Variants in CEACAM16 observed in about 807,000 individuals in gnomAD.
CEACAM16 encodes the protein cell adhesion molecule CEACAM16.
Under a neutral mutation model 39.4 loss-of-function variants are expected in CEACAM16, and 30 were observed. The observed-to-expected ratio is 0.76, with a 90% CI of 0.57 to 1.03. The LOEUF (loss-of-function observed/expected upper bound fraction) is 1.03. Ranked by LOEUF, CEACAM16 falls within the 50% of genes least tolerant of loss-of-function variation. The pLI is 0.00. For synonymous variants in CEACAM16, 262 were observed against 264.9 expected (o/e 0.99, Z 0.11); for missense variants, 521 against 585.3 (o/e 0.89, Z 1.13).
Position 44,701,581 on chromosome 19 carries a change from T to G in CEACAM16, c.37+88T>G. 1 of 1,294,320 alleles carries G rather than the reference T, an allele frequency of 7.7e-7. No homozygotes were observed. Among genetic ancestry groups the G allele is most frequent in the Non-Finnish European group, 1.1e-6 (1 of 921,714 alleles). The allele number at this position is 1,294,320 out of a possible 1,614,324, so 80.2% of individuals were successfully genotyped here. A position where few individuals can be genotyped will look rare whatever the true frequency, so the allele number is the denominator to read the frequency against. ...CCCCCAGTCTGAGAGAGGGAAGGTG[T>G]GAGCAGAAGTCCAGCGTGCTAGGGA... On this transcript the variant is annotated intron_variant, in intron 2 of 6. Coordinates refer to ENST00000587331, the MANE Select transcript of CEACAM16 (RefSeq NM_001039213.4). This position sits in a 1 kb window ranked among gnomAD's most constrained non-coding sequence, Gnocchi z 4.0.
intron 2 of CEACAM16, 130 bp from the exon 3 acceptor site, chr19:44,703,219 T>C: frequency 2.7e-6 from 2 of 743,616 alleles, no homozygotes; most frequent in Non-Finnish European, 4.3e-6. Context: ...CAAATCCTGG[T>C]TTTGCCTGTC....
At chr19:44,704,564 C>T (rs373495587) in intron 4 of CEACAM16, among the ~76,000 whole-genome samples, 152 of 152,196 alleles carry the variant, frequency 1.0e-3, no homozygotes, top group African/African-American at 3.5e-3. Flanking sequence ...GACCTCATCT[C>T]TACCAAAAAA....
rs1974391866 is a variant in CEACAM16 at position 44,703,744 on chromosome 19, C to T, written c.382+51C>T. 1.0e-5 allele frequency: 13 copies of T among 1,281,084 alleles called. No homozygotes were observed. The South Asian group carries it at 2.2e-4, about 22-fold the overall frequency. 79.4% of individuals were successfully genotyped at this position (1,281,084 alleles called of 1,614,324 possible). A position where few individuals can be genotyped will look rare whatever the true frequency, so the allele number is the denominator to read the frequency against. ...CTGCCCCAGCTGGGCCTTCCCATCT[C>T]CTTCTCAATCCTTCTTTTTTTTAAA... On this transcript the variant is annotated intron_variant, in intron 3 of 6. Coordinates refer to ENST00000587331, the MANE Select transcript of CEACAM16 (RefSeq NM_001039213.4).
At chr19:44,699,473 T>C (rs1314474796) in intron 1 of CEACAM16, 3 of 461,188 alleles carry the variant, frequency 6.5e-6, no homozygotes, top group African/African-American at 4.1e-5. Flanking sequence ...TTGCCCAGGG[T>C]TCAAGCAATT....
chr19:44,699,613 T>C (rs546889598), intron 1 of CEACAM16, among the ~76,000 whole-genome samples: 2 of 151,952 alleles, frequency 1.3e-5, no homozygotes, highest in African/African-American at 4.8e-5. Context: ...CTGACCTCAG[T>C]TGATCCACCC....
chr19:44,704,441 C>A, intron 4 of CEACAM16, 145 bp downstream of exon 4: 2 of 1,076,858 alleles, frequency 1.9e-6, no homozygotes, highest in Non-Finnish European at 2.6e-6. Context: ...TTAAAGTGCA[C>A]TTGCCCTCGC....
intron 5 of CEACAM16, among the ~76,000 whole-genome samples, chr19:44,706,123 C>T (rs531623681): frequency 8.5e-5 from 13 of 152,122 alleles, no homozygotes; most frequent in Non-Finnish European, 1.3e-4. Context: ...ACTCAGATAT[C>T]ACTTCAGGTG....
intron 4 of CEACAM16, among the ~76,000 whole-genome samples, chr19:44,705,337 T>C (rs1974424991): frequency 6.6e-6 from 1 of 152,136 alleles, no homozygotes; most frequent in Non-Finnish European, 1.5e-5. Context: ...AATGGAGCCA[T>C]AGATTTCAAA....
chr19:44,704,331 G>C (rs1177466564), intron 4 of CEACAM16, 35 bp downstream of exon 4: 9 of 1,455,586 alleles, frequency 6.2e-6, no homozygotes, highest in Non-Finnish European at 5.4e-6. Flanking sequence ...GATACCCAGT[G>C]TCCAAACCTC....
At chr19:44,704,348 G>A (rs1452516385) in intron 4 of CEACAM16, 52 bp downstream of exon 4, 5 of 1,440,386 alleles carry the variant, frequency 3.5e-6, no homozygotes, top group Non-Finnish European at 4.6e-6. Flanking sequence ...CCTCATGGAT[G>A]GGGAAACTGA....
chr19:44,708,439 A>G (rs1974486537), intron 6 of CEACAM16, among the ~76,000 whole-genome samples: 1 of 152,206 alleles, frequency 6.6e-6, no homozygotes, highest in Admixed American at 6.5e-5. Context: ...GGGTTGCTAA[A>G]GGGGACCCCC....
intron 5 of CEACAM16, among the ~76,000 whole-genome samples, chr19:44,706,727 C>T (rs145456915): frequency 1.7e-4 from 26 of 152,268 alleles, no homozygotes; most frequent in East Asian, 9.6e-4. Flanking sequence ...TGACCTCAGG[C>T]GCCACCCCAA....
rs924051572 is a variant in CEACAM16 at position 44,703,675 on chromosome 19, G to C, written c.364G>C (p.Gly122Arg). Residue 122 changes from glycine to arginine, a missense_variant, in exon 3 of 7, where the codon GGA (glycine) becomes CGA (arginine). Physicochemically the swap from Gly to Arg is moderately radical, Grantham distance 125 (BLOSUM62 -2). Coordinates refer to ENST00000587331, the MANE Select transcript of CEACAM16 (RefSeq NM_001039213.4). ...GCAGTTGCAGACCGAGGTGGGCTAC[G>C]GACACGTGCAGGTCCATGGTGAGAC... Reference protein sequence around the residue: ...NRQLQTEVGYGHVQVHEILAQ... With the variant: ...NRQLQTEVGYRHVQVHEILAQ... 1.3e-6 allele frequency: 2 copies of C among 1,554,650 alleles called. No individual in the cohort carries two copies. The highest frequency in any genetic ancestry group is 1.8e-5 in the Admixed American group (1 of 55,154).
At chr19:44,708,313 G>A in intron 6 of CEACAM16, 126 bp downstream of exon 6, 1 of 1,004,380 alleles carries the variant, frequency 1.0e-6, no homozygotes, top group Non-Finnish European at 1.4e-6. Flanking sequence ...CCATCAGGCT[G>A]AAGGAAGCAG....
At chr19:44,707,744 T>C (rs1974471484) in intron 5 of CEACAM16, 117 bp from the exon 6 acceptor site, 2 of 875,546 alleles carry the variant, frequency 2.3e-6, no homozygotes, top group Non-Finnish European at 3.4e-6. Context: ...TCAGTCTCCT[T>C]CCCAGCACCC....
Position 44,705,720 on chromosome 19 carries a change from G to C in CEACAM16, c.792G>C (p.Trp264Cys). Reference sequence around the variant, plus strand: ...CCTGCCCAGAGCCCGAGTATGTGTGGACCTTCAACGGGCAGGCCCTAAAGA... The same window carrying C: ...CCTGCCCAGAGCCCGAGTATGTGTGCACCTTCAACGGGCAGGCCCTAAAGA... ...SRSCPEPEYV[W>C]TFNGQALKNG... The change falls in exon 5 of 7, where the codon TGG becomes TGC. Residue 264 changes from tryptophan to cysteine, a missense_variant. By Grantham distance (215) the Trp-to-Cys change is radical. Transcript: ENST00000587331. 1 of 1,613,992 alleles carries C rather than the reference G, an allele frequency of 6.2e-7. No homozygotes were observed. Among genetic ancestry groups the C allele is most frequent in the Non-Finnish European group, 8.5e-7 (1 of 1,179,880 alleles).
chr19:44,702,367 G>T (rs1376411012), intron 2 of CEACAM16, among the ~76,000 whole-genome samples: 1 of 152,070 alleles, frequency 6.6e-6, no homozygotes, highest in African/African-American at 2.4e-5. Flanking sequence ...GAGAAAACGA[G>T]GCTCAGAAAG....
intron 6 of CEACAM16, among the ~76,000 whole-genome samples, chr19:44,708,406 A>T: frequency 6.6e-6 from 1 of 152,350 alleles, no homozygotes; most frequent in Non-Finnish European, 1.5e-5. Flanking sequence ...CTGTGGGTAG[A>T]CAGGCCTCCT....
At chr19:44,710,060 T>C (rs1443634978) in intron 6 of CEACAM16, among the ~76,000 whole-genome samples, 1 of 152,198 alleles carries the variant, frequency 6.6e-6, no homozygotes, top group Non-Finnish European at 1.5e-5. Context: ...TCTGGAATCT[T>C]GCCTCCCCCA....
Sources: gnomAD v4.1 joint callset for allele counts (sites outside exome capture counted in the v4.1 genomes callset) on GRCh38, gnomAD v4.1.1 for gene constraint, Gnocchi (gnomAD v3.1) non-coding constraint, MANE v1.5 for transcripts, NCBI Gene and HGNC (gene_info 2026-07-23, HGNC 2026-07-21) for gene names.